PPARG: variants seen among roughly 807,000 people sequenced by gnomAD.
PPARG encodes the protein peroxisome proliferator activated receptor gamma.
A neutral mutation model predicts 39.2 loss-of-function variants in PPARG; 17 were observed. The observed-to-expected ratio is 0.43, with a 90% confidence interval of 0.30 to 0.65. The LOEUF is 0.65. Among genes scored for constraint, PPARG ranks in the 30% least tolerant of loss-of-function variants. The pLI, the probability that PPARG is intolerant of heterozygous loss-of-function variation, is 0.13. For missense variants in PPARG, 406 were observed against 585.9 expected, an observed-to-expected ratio of 0.69 and a Z score of 3.17; for synonymous variants, 223 against 215.7, an observed-to-expected ratio of 1.03 and a Z score of -0.30.
chr3:12,337,271 A>T lies in PPARG; in HGVS notation c.-9+24818A>T, dbSNP rs961793807. Among the ~76,000 whole-genome samples the T allele has an allele frequency of 5.5e-4, 84 of 152,200 alleles. 1 individual carries two copies. The highest frequency in any genetic ancestry group is 1.9e-3 in the African/African-American group (77 of 41,454). On this transcript the variant is annotated intron_variant, in intron 2 of 7. Coordinates refer to ENST00000651735, the MANE Select transcript of PPARG (RefSeq NM_138711.6). The stretch of plus-strand genomic sequence containing the variant: ...TAAGAATATATACATTCATTTCTAC[A>T]CTAATGCATCTATTCAGTATTTCTT...
At chr3:12,398,605 A>G (rs577779999) in intron 5 of PPARG, among the ~76,000 whole-genome samples, 1 of 152,320 alleles carries the variant, frequency 6.6e-6, no homozygotes, top group South Asian at 2.1e-4. Flanking sequence ...GGACCACAGA[A>G]TACAAGCTAA....
rs780434664 is a variant in PPARG, at chr3:12,379,936, G to A, written c.220+5G>A. 1.3e-6 allele frequency: 2 copies of A among 1,586,650 alleles called. No homozygotes were observed. The highest frequency in any genetic ancestry group is 8.7e-7 in the Non-Finnish European group (1 of 1,155,184). On this transcript the variant is annotated splice_donor_5th_base_variant and intron_variant, in intron 3 of 7. Coordinates refer to ENST00000651735, the MANE Select transcript of PPARG (RefSeq NM_138711.6). Reference sequence around the variant, plus strand: ...TGAAACTTCAAGAGTACCAAAGTATGATGTTTATTTTCACTTTTCAGACTA... The same window carrying A: ...TGAAACTTCAAGAGTACCAAAGTATAATGTTTATTTTCACTTTTCAGACTA...
chr3:12,339,184 G>C (rs1406032578), intron 2 of PPARG, among the ~76,000 whole-genome samples: 2 of 151,804 alleles, frequency 1.3e-5, no homozygotes, highest in African/African-American at 2.4e-5. Flanking sequence ...ATTATGCTAA[G>C]TGAAAAAAAA....
chr3:12,370,420 A>G (rs2049169081), intron 2 of PPARG, among the ~76,000 whole-genome samples: 2 of 152,112 alleles, frequency 1.3e-5, no homozygotes, highest in South Asian at 2.1e-4. Context: ...TGTTTTATAA[A>G]TCCTTGATCT....
chr3:12,342,077 G>A (rs1381204581), intron 2 of PPARG, among the ~76,000 whole-genome samples: 5 of 152,230 alleles, frequency 3.3e-5, no homozygotes, highest in African/African-American at 1.2e-4. Context: ...CATGGCTGAT[G>A]GTCAGTCATA....
chr3:12,329,688 C>T (rs1237770818), intron 2 of PPARG, among the ~76,000 whole-genome samples: 1 of 152,074 alleles, frequency 6.6e-6, no homozygotes, highest in Non-Finnish European at 1.5e-5. Context: ...TACATTGGTA[C>T]AGTGGCATTG....
chr3:12,393,931 T>A (rs191604707), intron 5 of PPARG, among the ~76,000 whole-genome samples: 82 of 152,332 alleles, frequency 5.4e-4, no homozygotes, highest in African/African-American at 1.9e-3. Context: ...GGCAAGAATG[T>A]ATTTTGAATA....
chr3:12,351,585 A>G (rs1429190563), intron 2 of PPARG: 1 of 1,591,254 alleles, frequency 6.3e-7, no homozygotes, highest in Non-Finnish European at 8.6e-7. Context: ...CCCCTATTCC[A>G]TGCTGTTATG....
chr3:12,409,690 T>C lies in PPARG; in HGVS notation c.729+3609T>C, dbSNP rs1027875803. Among the ~76,000 whole-genome samples, 6 of 152,190 alleles carry C rather than the reference T, an allele frequency of 3.9e-5. No homozygotes were observed. In the South Asian group the frequency reaches 1.2e-3, roughly 31 times the overall value. ...TGCTTGAGACTGATGTCATTAGTGT[T>C]GGTTAGGCCAAGGCTGGGGGAGGCT... On this transcript the variant is annotated intron_variant, in intron 6 of 7. Coordinates refer to ENST00000651735, the MANE Select transcript of PPARG (RefSeq NM_138711.6).
intron 6 of PPARG, among the ~76,000 whole-genome samples, chr3:12,408,740 A>C (rs928988989): frequency 6.6e-6 from 1 of 151,420 alleles, no homozygotes; most frequent in African/African-American, 2.4e-5. Context: ...GTTTTCATCA[A>C]CTGCTTTCTC....
chr3:12,355,797 T>C (rs1178314984), intron 2 of PPARG, among the ~76,000 whole-genome samples: 1 of 152,238 alleles, frequency 6.6e-6, no homozygotes, highest in African/African-American at 2.4e-5. Flanking sequence ...TCTTGAAAGC[T>C]CCCTGACAGC....
intron 2 of PPARG, among the ~76,000 whole-genome samples, chr3:12,314,468 CAT>C: frequency 6.6e-6 from 1 of 152,152 alleles, no homozygotes; most frequent in Non-Finnish European, 1.5e-5. Flanking sequence ...GATAGTAAGA[CAT>C]AGTGAGCTCA....
intron 1 of PPARG, among the ~76,000 whole-genome samples, chr3:12,289,335 C>T (rs2124913725): frequency 6.6e-6 from 1 of 152,212 alleles, no homozygotes; most frequent in South Asian, 2.1e-4. Context: ...CAAAAATAGT[C>T]GTCTGCCATG....
intron 6 of PPARG, among the ~76,000 whole-genome samples, chr3:12,412,256 T>C (rs1436642401): frequency 6.6e-6 from 1 of 152,166 alleles, no homozygotes; most frequent in African/African-American, 2.4e-5. Flanking sequence ...AACACTACTG[T>C]TCTATTTCTC....
intron 4 of PPARG, among the ~76,000 whole-genome samples, chr3:12,392,413 G>A (rs972094495): frequency 2.0e-5 from 3 of 152,292 alleles, no homozygotes; most frequent in African/African-American, 7.2e-5. Flanking sequence ...AAAGGGACCT[G>A]GAGATCCTCT....
intron 2 of PPARG, among the ~76,000 whole-genome samples, chr3:12,330,815 A>T (rs1224561842): frequency 6.6e-6 from 1 of 152,248 alleles, no homozygotes; most frequent in East Asian, 1.9e-4. Flanking sequence ...TCTCAGAATG[A>T]TGAGAAATTT....
At chr3:12,367,496 C>G (rs142363110) in intron 2 of PPARG, among the ~76,000 whole-genome samples, 3 of 151,932 alleles carry the variant, frequency 2.0e-5, no homozygotes, top group South Asian at 2.1e-4. Context: ...TACCTCAGGA[C>G]CAGCGTAAGC....
chr3:12,363,864 GTTC>G (rs920645204), intron 2 of PPARG, among the ~76,000 whole-genome samples: 23 of 152,104 alleles, frequency 1.5e-4, no homozygotes, highest in African/African-American at 5.3e-4. Context: ...TCTAAACACC[GTTC>G]TTCTTCTTTT....
At chr3:12,390,636 C>CTTTTTTTTTTTT (rs1382187854) in intron 4 of PPARG, among the ~76,000 whole-genome samples, 1 of 69,184 alleles carries the variant, frequency 1.4e-5, no homozygotes, top group East Asian at 3.6e-4. Context: ...GTATTTTCTT[C>CTTTTTTTTTTTT]CTTTTTTTTT....
Sources: allele counts gnomAD v4.1 joint callset (sites outside exome capture counted in the v4.1 genomes callset), GRCh38; gene constraint gnomAD v4.1.1; transcripts MANE v1.5; gene names NCBI Gene and HGNC (gene_info 2026-07-23, HGNC 2026-07-21).